ANKRD36B: variants seen among roughly 807,000 people sequenced by gnomAD.
ANKRD36B encodes ankyrin repeat domain 36B, also known as ankyrin repeat domain-containing protein 36B.
ANKRD36B carries 37 observed loss-of-function variants against 135.7 expected under a neutral mutation model. The ratio of observed to expected loss-of-function variants is 0.27; its 90% CI spans 0.21 to 0.36. The LOEUF (loss-of-function observed/expected upper bound fraction) is 0.36. ANKRD36B is among the 10% of genes least tolerant of loss of function. The pLI is 1.00. For synonymous variants in ANKRD36B, 179 were observed against 348.1 expected (o/e 0.51, Z 5.41); for missense variants, 549 against 1,037.1 (o/e 0.53, Z 6.46).
At chr2:97,549,694 A>G (rs2079857737) in intron 18 of ANKRD36B, 80 bp from the exon 19 acceptor site, 1 of 1,595,116 alleles carries the variant, frequency 6.3e-7, no homozygotes, top group Non-Finnish European at 8.5e-7. Flanking sequence ...TGTTAGCATC[A>G]AACTCTGTCC....
chr2:97,496,189 G>A (rs1208075578), intron 43 of ANKRD36B, among the ~76,000 whole-genome samples: 1 of 106,752 alleles, frequency 9.4e-6, no homozygotes, highest in East Asian at 2.1e-4. Context: ...AATCAAATGA[G>A]CCACAACATT....
chr2:97,559,413 C>T (rs1275610333), intron 8 of ANKRD36B, among the ~76,000 whole-genome samples: 1 of 151,790 alleles, frequency 6.6e-6, no homozygotes, highest in East Asian at 1.9e-4. Flanking sequence ...TCATTATGCC[C>T]TTTAACTTGC....
intron 40 of ANKRD36B, among the ~76,000 whole-genome samples, chr2:97,508,793 G>A (rs1168795464): frequency 9.2e-6 from 1 of 109,032 alleles, no homozygotes; most frequent in African/African-American, 2.5e-5. Flanking sequence ...ATTTAAAAGC[G>A]TCATCTTAAA....
In ANKRD36B at chr2:97,589,823, C is replaced by T; in HGVS notation, c.-138G>A. 7.8e-7 allele frequency: 1 copy of T among 1,276,502 alleles called. No individual in the cohort carries two copies. Among genetic ancestry groups the T allele is most frequent in the Non-Finnish European group, 1.1e-6 (1 of 914,636 alleles). The allele number at this position is 1,276,502 out of a possible 1,614,324, so 79.1% of individuals were successfully genotyped here. A position where few individuals can be genotyped will look rare whatever the true frequency, so the allele number is the denominator to read the frequency against. ...ACAGGCAAAGCAGTCTGTGCACGGA[C>T]CTCCGCGCAGACTCTCAGCGCCTCC... On this transcript the variant is annotated 5_prime_UTR_variant, in exon 1 of 44. Transcript: ENST00000359901.
chr2:97,496,121 T>C (rs2077301125), intron 43 of ANKRD36B, among the ~76,000 whole-genome samples: 1 of 101,458 alleles, frequency 9.9e-6, no homozygotes, highest in African/African-American at 2.7e-5. Context: ...AATGCACAAA[T>C]GATAAGTACA....
chr2:97,549,731 A>G, intron 18 of ANKRD36B, 117 bp from the exon 19 acceptor site: 1 of 1,549,282 alleles, frequency 6.5e-7, no homozygotes, highest in Non-Finnish European at 8.8e-7. Flanking sequence ...GTAGGCTTTG[A>G]TGGCTTCTAC....
intron 10 of ANKRD36B, among the ~76,000 whole-genome samples, chr2:97,558,021 C>T (rs1224271419): frequency 6.6e-6 from 1 of 151,912 alleles, no homozygotes; most frequent in Non-Finnish European, 1.5e-5. Context: ...TTCTCTAAAG[C>T]ATTTTCATTA....
At chr2:97,556,032 C>T (rs2104718370) in intron 12 of ANKRD36B, among the ~76,000 whole-genome samples, 1 of 151,962 alleles carries the variant, frequency 6.6e-6, no homozygotes, top group East Asian at 1.9e-4. Context: ...GTCCAATATT[C>T]ATTGAAAATA....
chr2:97,544,800 T>C lies in ANKRD36B; in HGVS notation c.1682-815A>G, dbSNP rs2079324851. Among the ~76,000 whole-genome samples the C allele has an allele frequency of 2.1e-5, 2 of 96,722 alleles. 1 individual carries two copies. The highest frequency in any genetic ancestry group is 6.2e-5 in the African/African-American group (2 of 32,458). The allele number at this position is 96,722 out of a possible 152,430, so 63.5% of individuals were successfully genotyped here. A position where few individuals can be genotyped will look rare whatever the true frequency, so the allele number is the denominator to read the frequency against. On this transcript the variant is annotated intron_variant, in intron 24 of 43. Coordinates refer to ENST00000359901, the MANE Select transcript of ANKRD36B (RefSeq NM_001393939.1). ...TTGAAAGGACCACTTTAGGAGTTAATTAGAATTCAACATAATTTTTGTTTC... is the reference window on the plus strand; with the variant it reads ...TTGAAAGGACCACTTTAGGAGTTAACTAGAATTCAACATAATTTTTGTTTC...
chr2:97,570,118 G>C (rs1427568214), intron 6 of ANKRD36B, among the ~76,000 whole-genome samples: 14 of 152,208 alleles, frequency 9.2e-5, no homozygotes, highest in Admixed American at 1.3e-4. Context: ...TATTGCCATA[G>C]TAACTTCTGT....
At chr2:97,587,225 T>C (rs1239492123) in intron 1 of ANKRD36B, among the ~76,000 whole-genome samples, 7 of 152,096 alleles carry the variant, frequency 4.6e-5, no homozygotes, top group Non-Finnish European at 7.4e-5. Context: ...ACTGAGAATT[T>C]TTTTTCTTTG....
At chr2:97,586,517 G>A (rs2083008583) in intron 1 of ANKRD36B, among the ~76,000 whole-genome samples, 1 of 152,160 alleles carries the variant, frequency 6.6e-6, no homozygotes, top group African/African-American at 2.4e-5. Context: ...AAGGGTGGAA[G>A]AGTCCTGAGA....
intron 4 of ANKRD36B, among the ~76,000 whole-genome samples, chr2:97,580,220 C>A (rs1437916625): frequency 6.6e-6 from 1 of 152,190 alleles, no homozygotes; most frequent in Non-Finnish European, 1.5e-5. Context: ...TATATAGAAG[C>A]CTTTTATGTG....
intron 3 of ANKRD36B, among the ~76,000 whole-genome samples, 174 bp downstream of exon 3, chr2:97,584,770 C>A (rs1405186069): frequency 3.6e-5 from 5 of 137,964 alleles, no homozygotes; most frequent in Non-Finnish European, 7.5e-5. Flanking sequence ...CCCTATAATG[C>A]TTCTTTAAAA....
At chr2:97,551,226 A>C in intron 18 of ANKRD36B, 63 bp downstream of exon 18, 1 of 1,529,034 alleles carries the variant, frequency 6.5e-7, no homozygotes, top group South Asian at 1.2e-5. Context: ...CCACTGATTT[A>C]TTCGGGGAAG....
At chr2:97,578,123 A>G (rs1208103072) in intron 5 of ANKRD36B, among the ~76,000 whole-genome samples, 1 of 152,166 alleles carries the variant, frequency 6.6e-6, no homozygotes, top group Non-Finnish European at 1.5e-5. Flanking sequence ...AGTGTGGGTG[A>G]AAGTGTCAAT....
chr2:97,576,212 C>G (rs564047629), intron 6 of ANKRD36B, among the ~76,000 whole-genome samples, 167 bp downstream of exon 6: 1 of 149,754 alleles, frequency 6.7e-6, no homozygotes, highest in African/African-American at 2.4e-5. Flanking sequence ...TATAAATTAC[C>G]TACAATTAAC....
chr2:97,526,910 G>C (rs1333538881), intron 35 of ANKRD36B, among the ~76,000 whole-genome samples: 1 of 96,546 alleles, frequency 1.0e-5, no homozygotes, highest in Admixed American at 9.1e-5. Context: ...TATGTGAAAA[G>C]ACCAAATCTA....
At chr2:97,551,250 TG>T (rs1464198681) in intron 18 of ANKRD36B, 38 bp downstream of exon 18, 3 of 1,537,888 alleles carry the variant, frequency 2.0e-6, no homozygotes, top group Non-Finnish European at 2.6e-6. Context: ...ACTTCTTATC[TG>T]GACTGAACAT....
Sources: allele counts gnomAD v4.1 joint callset (sites outside exome capture counted in the v4.1 genomes callset), GRCh38; gene constraint gnomAD v4.1.1; transcripts MANE v1.5; gene names NCBI Gene and HGNC (gene_info 2026-07-23, HGNC 2026-07-21).